The following GOT2 variants were observed in gnomAD, a reference collection of about 807,000 sequenced individuals.
GOT2 encodes the protein glutamic-oxaloacetic transaminase 2.
GOT2 carries 17 observed loss-of-function variants against 50.0 expected under a neutral mutation model. The ratio of observed to expected loss-of-function variants is 0.34; its 90% CI spans 0.23 to 0.51. The LOEUF (loss-of-function observed/expected upper bound fraction) is 0.51. Ranked by LOEUF, GOT2 falls within the 20% of genes least tolerant of loss-of-function variation. The probability of loss-of-function intolerance (pLI) is 0.97; values close to 1 mark genes in which losing one functional copy is unlikely to be tolerated. For synonymous variants in GOT2, 172 were observed against 204.9 expected, an observed-to-expected ratio of 0.84 and a Z score of 1.37; for missense variants, 430 against 559.6, an observed-to-expected ratio of 0.77 and a Z score of 2.34.
At chr16:58,709,329 A>T in intron 9 of GOT2, 88 bp downstream of exon 9, 1 of 1,138,384 alleles carries the variant, frequency 8.8e-7, no homozygotes, top group Non-Finnish European at 1.2e-6. Flanking sequence ...AAAACATTAA[A>T]TAAAAAAGAA....
intron 9 of GOT2, 95 bp downstream of exon 9, chr16:58,709,322 A>C: frequency 9.3e-7 from 1 of 1,077,132 alleles, no homozygotes; most frequent in Non-Finnish European, 1.3e-6. Context: ...AAACCCGAAA[A>C]CATTAAATAA....
chr16:58,728,455 T>C (rs2044805088), intron 1 of GOT2, among the ~76,000 whole-genome samples: 1 of 152,192 alleles, frequency 6.6e-6, no homozygotes, highest in Non-Finnish European at 1.5e-5. Context: ...TACTAAATTA[T>C]TATCACTCCA....
chr16:58,729,629 G>A (rs1226161387), intron 1 of GOT2, among the ~76,000 whole-genome samples: 1 of 152,104 alleles, frequency 6.6e-6, no homozygotes, highest in Admixed American at 6.5e-5. Context: ...GTTAAATGGT[G>A]TGAAAAGCAC....
chr16:58,724,005 G>T, intron 1 of GOT2, 103 bp from the exon 2 acceptor site: 1 of 999,972 alleles, frequency 1.0e-6, no homozygotes, highest in Non-Finnish European at 1.5e-6. Flanking sequence ...CCAGGCTGGA[G>T]TGCAGTGGTG....
rs79198704 is a variant in GOT2, at chr16:58,718,159, A to G, written c.702+37T>C. On this transcript the variant is annotated intron_variant, in intron 6 of 9. Transcript: ENST00000245206. ...ATTAAGCCTCCAAAGCTGGTTACTAAACACAGAACTGTCGCCAGTGAGTTC... is the reference window on the plus strand; with the variant it reads ...ATTAAGCCTCCAAAGCTGGTTACTAGACACAGAACTGTCGCCAGTGAGTTC... 4.9e-3 allele frequency: 7,020 copies of G among 1,428,262 alleles called. 195 individuals carry two copies. The African/African-American group carries it at 0.061, about 12-fold the overall frequency. 88.5% of individuals were successfully genotyped at this position (1,428,262 alleles called of 1,614,324 possible). A position where few individuals can be genotyped will look rare whatever the true frequency, so the allele number is the denominator to read the frequency against.
chr16:58,731,352 C>T (rs2044833890), intron 1 of GOT2, among the ~76,000 whole-genome samples: 1 of 151,940 alleles, frequency 6.6e-6, no homozygotes, highest in African/African-American at 2.4e-5. Context: ...GCCATGTTGC[C>T]CAGCTGGTCT....
intron 8 of GOT2, among the ~76,000 whole-genome samples, chr16:58,709,853 C>T (rs1344909510): frequency 6.6e-6 from 1 of 152,188 alleles, no homozygotes; most frequent in Non-Finnish European, 1.5e-5. Flanking sequence ...ATGCAATATA[C>T]ATTCAATAGA....
intron 8 of GOT2, among the ~76,000 whole-genome samples, chr16:58,714,531 G>C (rs1446575005): frequency 6.8e-6 from 1 of 148,040 alleles, no homozygotes; most frequent in East Asian, 2.0e-4. Context: ...CAGCCTGGGC[G>C]ACAGAGCGAG....
Position 58,707,183 on chromosome 16 carries a change from A to G in GOT2, c.*988T>C, listed in dbSNP as rs114044575. 4 of 152,360 alleles carry G rather than the reference A, an allele frequency of 2.6e-5. No individual in the cohort carries two copies. The highest frequency in any genetic ancestry group is 1.9e-4 in the East Asian group (1 of 5,180). The allele number at this position is 152,360 out of a possible 1,614,324, so 9.4% of individuals were successfully genotyped here. On this transcript the variant is annotated 3_prime_UTR_variant, in exon 10 of 10. Coordinates refer to ENST00000245206, the MANE Select transcript of GOT2 (RefSeq NM_002080.4). ...AGAGAAACCAGGCCGCAATAAGTCT[A>G]CATGGTTAGAGCAGATGGTGGTTCT...
At chr16:58,724,999 G>A (rs2044771904) in intron 1 of GOT2, among the ~76,000 whole-genome samples, 1 of 152,152 alleles carries the variant, frequency 6.6e-6, no homozygotes, top group Admixed American at 6.5e-5. Flanking sequence ...GTATCTTGTA[G>A]GATGCCCCTC....
At chr16:58,717,599 G>C (rs1051228679) in intron 6 of GOT2, among the ~76,000 whole-genome samples, 12 of 152,158 alleles carry the variant, frequency 7.9e-5, no homozygotes, top group African/African-American at 2.9e-4. Context: ...CACTGACCAG[G>C]GCGAATATAG....
At chr16:58,717,412 G>A (rs955644355) in intron 6 of GOT2, among the ~76,000 whole-genome samples, 1 of 151,958 alleles carries the variant, frequency 6.6e-6, no homozygotes, top group Admixed American at 6.6e-5. Flanking sequence ...GAAAAGAAAG[G>A]GAAATGAAAA....
intron 3 of GOT2, among the ~76,000 whole-genome samples, 180 bp from the exon 4 acceptor site, chr16:58,719,435 A>AAAGG (rs1221755812): frequency 6.6e-5 from 10 of 152,332 alleles, no homozygotes; most frequent in Middle Eastern, 3.4e-3. Context: ...TCAATATGAA[A>AAAGG]AAGGGGTGAA....
chr16:58,714,941 G>A (rs1455599923), intron 8 of GOT2, among the ~76,000 whole-genome samples: 3 of 152,054 alleles, frequency 2.0e-5, no homozygotes, highest in African/African-American at 7.2e-5. Context: ...GGGATTACAG[G>A]TGTGAGCCAC....
chr16:58,722,378 C>CT (rs201378558), intron 2 of GOT2, 100 bp from the exon 3 acceptor site: 21,502 of 1,079,850 alleles, frequency 0.02, 344 homozygotes, highest in Admixed American at 0.16. Context: ...GAGGTAAAGT[C>CT]TTTTTTTTTT....
intron 6 of GOT2, 79 bp downstream of exon 6, chr16:58,718,117 T>C: frequency 1.0e-6 from 1 of 984,610 alleles, no homozygotes; most frequent in South Asian, 1.3e-5. Context: ...TAAGACTCTC[T>C]GTTGAGACAT....
Position 58,708,145 on chromosome 16 carries a change from GTC to G in GOT2, c.*24_*25del. ...AGCAGAGGCTGAAGACAGAAAGGTT[GTC>G]TCTGTTTCCTCGCACCAGGGACATT... is the stretch of plus-strand genomic sequence containing the variant. On this transcript the variant is annotated 3_prime_UTR_variant, in exon 10 of 10. Transcript: ENST00000245206. 2.5e-6 allele frequency: 4 copies of G among 1,610,496 alleles called. No homozygotes were observed. Among genetic ancestry groups the G allele is most frequent in the Non-Finnish European group, 3.4e-6 (4 of 1,177,838 alleles).
intron 3 of GOT2, 48 bp from the exon 4 acceptor site, chr16:58,719,303 A>G: frequency 7.4e-7 from 1 of 1,350,550 alleles, no homozygotes. Context: ...CTCTCTATAC[A>G]GGCCCAGACC....
intron 6 of GOT2, among the ~76,000 whole-genome samples, chr16:58,717,776 C>T (rs1279129036): frequency 6.6e-6 from 1 of 152,170 alleles, no homozygotes; most frequent in Non-Finnish European, 1.5e-5. Context: ...CCACAATCTC[C>T]ACCTCCTGGG....
Sources: gnomAD v4.1 joint callset for allele counts (sites outside exome capture counted in the v4.1 genomes callset) on GRCh38, gnomAD v4.1.1 for gene constraint, MANE v1.5 for transcripts, NCBI Gene and HGNC (gene_info 2026-07-23, HGNC 2026-07-21) for gene names.